MAD1L1: variants seen among roughly 807,000 people sequenced by gnomAD.
The protein encoded by MAD1L1 is mitotic spindle assembly checkpoint protein MAD1.
A neutral mutation model predicts 96.9 loss-of-function variants in MAD1L1; 95 were observed. That is an observed-to-expected ratio of 0.98 (90% confidence interval 0.83 to 1.16). MAD1L1 has a LOEUF of 1.16. MAD1L1 is among the 50% of genes most tolerant of loss of function. MAD1L1 has a pLI of 0.00. For synonymous variants in MAD1L1, 473 were observed against 396.6 expected, an observed-to-expected ratio of 1.19 and a Z score of -2.29; for missense variants, 1,007 against 954.4, an observed-to-expected ratio of 1.06 and a Z score of -0.73.
chr7:1,888,374 G>A (rs1786291540), intron 18 of MAD1L1, among the ~76,000 whole-genome samples: 2 of 143,030 alleles, frequency 1.4e-5, no homozygotes, highest in African/African-American at 2.8e-5. Flanking sequence ...GCGTGTATGT[G>A]GCTGCCTATG....
At chr7:1,920,967 G>A (rs373959053) in intron 17 of MAD1L1, among the ~76,000 whole-genome samples, 1 of 152,230 alleles carries the variant, frequency 6.6e-6, no homozygotes, top group African/African-American at 2.4e-5. Flanking sequence ...TGCAAAGCTC[G>A]GCTCTGAGCC....
intron 13 of MAD1L1, among the ~76,000 whole-genome samples, chr7:2,013,734 GGGCCTTTCAAGCTCCA>G (rs925723713): frequency 6.6e-6 from 1 of 152,220 alleles, no homozygotes; most frequent in African/African-American, 2.4e-5. Flanking sequence ...AGGAGAACAC[GGGCCTTTCAAGCTCCA>G]GGCTGGGAAC....
In MAD1L1 at chr7:2,110,667, C is replaced by T. The variant is rs867243092; in HGVS notation, c.1073+38485G>A. ...CCCTTTTGTCCCAAATCAAATTTTTCTTGCTGAAGAGCCATCATTTCAGAC... is the reference window on the plus strand; with the variant it reads ...CCCTTTTGTCCCAAATCAAATTTTTTTTGCTGAAGAGCCATCATTTCAGAC... On this transcript the variant is annotated intron_variant, in intron 11 of 18. Transcript: ENST00000265854. 8.5e-5 allele frequency among the ~76,000 whole-genome samples: 13 copies of T among 152,262 alleles called. No homozygotes were observed. The South Asian group carries it at 2.7e-3, about 32-fold the overall frequency.
chr7:2,055,132 G>A (rs565108795), intron 12 of MAD1L1, among the ~76,000 whole-genome samples: 1 of 152,330 alleles, frequency 6.6e-6, no homozygotes, highest in Admixed American at 6.5e-5. Flanking sequence ...TAGGCAGGCA[G>A]CACAGCGAGG....
rs982620929 is a variant in MAD1L1, at chr7:2,103,025, G to A, written c.1074-33687C>T. On this transcript the variant is annotated intron_variant, in intron 11 of 18. Transcript: ENST00000265854. The surrounding 1 kb of genome is among the most constrained non-coding windows in gnomAD (Gnocchi z 4.3). ...CCACAACTCAGAGGAGGCAGCCTCC[G>A]TGATGCTGCCAACACCTGGGTCAGC... Among the ~76,000 whole-genome samples the A allele has an allele frequency of 2.0e-5, 3 of 152,194 alleles. No homozygotes were observed. Among genetic ancestry groups the A allele is most frequent in the Non-Finnish European group, 2.9e-5 (2 of 68,032 alleles).
chr7:1,826,200 G>A (rs1156809702), intron 18 of MAD1L1, among the ~76,000 whole-genome samples: 3 of 152,146 alleles, frequency 2.0e-5, no homozygotes, highest in African/African-American at 4.8e-5. Context: ...TGTGGGGCCA[G>A]CCTGCCTGCT....
chr7:1,851,891 T>A lies in MAD1L1; in HGVS notation c.1999-35663A>T, dbSNP rs559739189. ...CCTGCCAACAGCTGGTTCGCCTGGC[T>A]GCTGCCCGGGAGCTGGAGTGGCAGA... On this transcript the variant is annotated intron_variant, in intron 18 of 18. Transcript: ENST00000265854. Among the ~76,000 whole-genome samples the A allele has an allele frequency of 4.3e-3, 650 of 152,302 alleles. 2 individuals are homozygous for A. The highest frequency in any genetic ancestry group is 0.015 in the African/African-American group (612 of 41,574).
At chr7:1,858,683 C>T (rs1784377336) in intron 18 of MAD1L1, among the ~76,000 whole-genome samples, 1 of 152,206 alleles carries the variant, frequency 6.6e-6, no homozygotes, top group Admixed American at 6.5e-5. Context: ...ATGCGCAGGG[C>T]ACATGGTGGC....
At chr7:1,948,245 G>A (rs915422629) in intron 16 of MAD1L1, among the ~76,000 whole-genome samples, 4 of 152,142 alleles carry the variant, frequency 2.6e-5, no homozygotes, top group African/African-American at 7.2e-5. Flanking sequence ...CAGCCAAGGC[G>A]TCCACGGCAA....
At chr7:2,025,729 C>A (rs1782968145) in intron 12 of MAD1L1, among the ~76,000 whole-genome samples, 1 of 152,052 alleles carries the variant, frequency 6.6e-6, no homozygotes. Flanking sequence ...ACGAATGGAG[C>A]AAAATGTAAA....
Position 1,968,175 on chromosome 7 carries a change from G to C in MAD1L1, c.1506-10456C>G, listed in dbSNP as rs915029007. ...AGAAAGTGCAAACAGCTTCGCGGAC[G>C]AGGCACCCGGCAGAGCACGCCTCAA... On this transcript the variant is annotated intron_variant, in intron 15 of 18. Coordinates refer to ENST00000265854, the MANE Select transcript of MAD1L1 (RefSeq NM_001013836.2). The surrounding 1 kb of genome is among the most constrained non-coding windows in gnomAD (Gnocchi z 5.6). Among the ~76,000 whole-genome samples, 51 of 152,246 alleles carry C rather than the reference G, an allele frequency of 3.3e-4. No homozygotes were observed. Among genetic ancestry groups the C allele is most frequent in the African/African-American group, 1.2e-3 (50 of 41,462 alleles).
At chr7:1,996,200 C>T (rs1011193467) in intron 14 of MAD1L1, among the ~76,000 whole-genome samples, 4 of 150,444 alleles carry the variant, frequency 2.7e-5, no homozygotes, top group Non-Finnish European at 4.5e-5. Flanking sequence ...AGGGTCCCCC[C>T]GGGTCTACAC....
chr7:2,090,765 G>C (rs1051328183), intron 11 of MAD1L1, among the ~76,000 whole-genome samples: 1 of 152,070 alleles, frequency 6.6e-6, no homozygotes, highest in African/African-American at 2.4e-5. Flanking sequence ...TCATCCCTTG[G>C]AGCCCGGGCG....
chr7:1,931,250 G>A (rs371283966), intron 17 of MAD1L1, among the ~76,000 whole-genome samples: 15 of 110,326 alleles, frequency 1.4e-4, no homozygotes, highest in African/African-American at 4.9e-4. Context: ...CTCACCCCAC[G>A]CACGGTCACA....
At chr7:2,078,774 C>G (rs546834682) in intron 11 of MAD1L1, among the ~76,000 whole-genome samples, 110 of 152,280 alleles carry the variant, frequency 7.2e-4, no homozygotes, top group African/African-American at 2.5e-3. Flanking sequence ...AGGTGGCATG[C>G]CTCGCTGAGG....
At chr7:2,087,700 G>A (rs1439912193) in intron 11 of MAD1L1, among the ~76,000 whole-genome samples, 12 of 152,202 alleles carry the variant, frequency 7.9e-5, no homozygotes, top group Admixed American at 7.9e-4. Flanking sequence ...AAGGAACAGT[G>A]GTACTTGGGA....
At chr7:2,172,254 C>G (rs1333703301) in intron 10 of MAD1L1, among the ~76,000 whole-genome samples, 3 of 152,120 alleles carry the variant, frequency 2.0e-5, no homozygotes, top group Non-Finnish European at 4.4e-5. Context: ...TGCGAGACAC[C>G]ACGACCCTTC....
chr7:2,199,946 C>T (rs1413227564), intron 10 of MAD1L1, among the ~76,000 whole-genome samples: 1 of 152,228 alleles, frequency 6.6e-6, no homozygotes, highest in South Asian at 2.1e-4. Context: ...GGAGAGCCCC[C>T]TGCAGTCACT....
Position 1,932,051 on chromosome 7 carries a change from C to T in MAD1L1, c.1807+4636G>A, listed in dbSNP as rs913419551. Among the ~76,000 whole-genome samples the T allele has an allele frequency of 1.3e-5, 2 of 152,246 alleles. 1 individual carries two copies. The highest frequency in any genetic ancestry group is 4.1e-4 in the South Asian group (2 of 4,834). The stretch of plus-strand genomic sequence containing the variant: ...CATGGCAGCCCACGCCTGGCACACA[C>T]GTGTGGAAAGCTCCGGTCCGCATCA... On this transcript the variant is annotated intron_variant, in intron 17 of 18. Transcript: ENST00000265854.
Sources: gnomAD v4.1 joint callset for allele counts (sites outside exome capture counted in the v4.1 genomes callset) on GRCh38, gnomAD v4.1.1 for gene constraint, Gnocchi (gnomAD v3.1) non-coding constraint, MANE v1.5 for transcripts, NCBI Gene and HGNC (gene_info 2026-07-23, HGNC 2026-07-21) for gene names.